PLEC: variants seen among roughly 807,000 people sequenced by gnomAD.
PLEC encodes the protein hemidesmosomal protein 1.
Under a neutral mutation model 392.8 loss-of-function variants are expected in PLEC, and 216 were observed. That is an observed-to-expected ratio of 0.55 (90% confidence interval 0.49 to 0.62). PLEC has a LOEUF of 0.62. Among genes scored for constraint, PLEC ranks in the 20% least tolerant of loss-of-function variants. The pLI is 0.00. For missense variants in PLEC, 6,863 were observed against 6,563.4 expected (o/e 1.05, Z -1.58); for synonymous variants, 3,621 against 2,980.6 (o/e 1.21, Z -7.00).
rs1554721865 is a variant in PLEC, at chr8:143,935,068, C to T, written c.768G>A (p.Ser256=). 6.2e-6 allele frequency: 10 copies of T among 1,612,914 alleles called. No homozygotes were observed. The highest frequency in any genetic ancestry group is 1.7e-5 in the Admixed American group (1 of 60,012). ...PDEKSIITYV[S]SLYDAMPRVP... The stretch of plus-strand genomic sequence containing the variant: ...CGCGGGGCATGGCGTCATACAGCGA[C>T]GAGACGTAGGTGATGATGGACTTCT... Residue 256 remains serine (S), a synonymous_variant, in exon 8 of 32, where the codon TCG becomes TCA. Transcript: ENST00000345136.
upstream of PLEC, among the ~76,000 whole-genome samples, chr8:143,956,652 C>T (rs1253079319): frequency 6.6e-6 from 1 of 152,232 alleles, no homozygotes; most frequent in Admixed American, 6.5e-5. Context: ...CACAGCTTTT[C>T]ATGCACCGAC....
At position 143,916,300 on chromosome 8, in the gene PLEC, G is replaced by A. The variant is rs782029814; in HGVS notation, c.13521C>T (p.Asp4507=). The A allele has an allele frequency of 5.4e-5, 86 of 1,583,104 alleles. No homozygotes were observed. In the African/African-American group the frequency reaches 8.6e-4, roughly 16 times the overall value. ...SRAGSRRGSF[D]ATGSGFSMTF... ...TCATGGAGAAGCCGGAGCCGGTGGC[G>A]TCAAAGCTGCCGCGGCGGGAGCCGG... The change falls in exon 32 of 32, where the codon GAC becomes GAT. Residue 4507 remains aspartate, a synonymous_variant. Transcript: ENST00000345136.
rs546006039 is a variant in PLEC, at chr8:143,930,075, G to A, written c.2613-13C>T. The A allele has an allele frequency of 1.2e-5, 20 of 1,608,770 alleles. No individual in the cohort carries two copies. In the African/African-American group the frequency reaches 1.7e-4, roughly 14 times the overall value. On this transcript the variant is annotated splice_polypyrimidine_tract_variant and intron_variant, in intron 21 of 31. Coordinates refer to ENST00000345136, the MANE Select transcript of PLEC (RefSeq NM_201384.3). ...CTGGGCCTCCAGCCTGGCAGGTCAGGGCTACAGTCAGCGTCACCAGCGCCC... is the reference window on the plus strand; with the variant it reads ...CTGGGCCTCCAGCCTGGCAGGTCAGAGCTACAGTCAGCGTCACCAGCGCCC...
upstream of PLEC, among the ~76,000 whole-genome samples, chr8:143,942,769 A>G (rs1234860084): frequency 6.6e-6 from 1 of 152,202 alleles, no homozygotes; most frequent in Non-Finnish European, 1.5e-5. Context: ...CTGCCCTGGG[A>G]CTGAAGCGGC....
At position 143,918,654 on chromosome 8, in the gene PLEC, G is replaced by A. The variant is rs782084177; in HGVS notation, c.11167C>T (p.Leu3723=). ...GLLSAEVARL[L]LEAQAATGFL... ...CCTGTGGCTGCCTGTGCCTCCAGCA[G>A]CAGGCGGGCCACCTCGGCACTCAGC... Residue 3723 remains leucine (L), a synonymous_variant, in exon 32 of 32, where the codon CTG becomes TTG. Coordinates refer to ENST00000345136, the MANE Select transcript of PLEC (RefSeq NM_201384.3). 6.2e-7 allele frequency: 1 copy of A among 1,612,920 alleles called. No individual in the cohort carries two copies. Among genetic ancestry groups the A allele is most frequent in the Non-Finnish European group, 8.5e-7 (1 of 1,180,004 alleles).
Position 143,922,511 on chromosome 8 carries a change from G to C in PLEC, c.7418C>G (p.Ser2473Cys), listed in dbSNP as rs1823191998. 5.0e-6 allele frequency: 8 copies of C among 1,609,512 alleles called. No individual in the cohort carries two copies. In the East Asian group the frequency reaches 1.6e-4, roughly 31 times the overall value. ...ACGTAGAGGGGGCGGTACCTCCTCAGACTTGAGCTGCAGCAGTTTGGCCTC... is the reference window on the plus strand; with the variant it reads ...ACGTAGAGGGGGCGGTACCTCCTCACACTTGAGCTGCAGCAGTTTGGCCTC... ...QQEAKLLQLK[S>C]EEMQTVQQEQ... is the part of the protein sequence containing the mutation. Residue 2473 changes from serine (S) to cysteine (C), a missense_variant, in exon 31 of 32, where the codon TCT becomes TGT. Ser to Cys is a moderately radical substitution (Grantham distance 112). Coordinates refer to ENST00000345136, the MANE Select transcript of PLEC (RefSeq NM_201384.3).
intron 1 of PLEC, among the ~76,000 whole-genome samples, chr8:143,963,432 G>A (rs1397965839): frequency 1.3e-5 from 2 of 152,210 alleles, no homozygotes; most frequent in African/African-American, 4.8e-5. Flanking sequence ...TTGCCCTGCT[G>A]GATTTCAGAC....
At chr8:143,953,946 C>A (rs1485560258), upstream of PLEC, 1 of 1,389,180 alleles carries the variant, frequency 7.2e-7, no homozygotes, top group Middle Eastern at 2.6e-4. Flanking sequence ...GCCCCGGGCG[C>A]ATGCTCCCGG....
chr8:143,973,406 T>G lies in PLEC; in HGVS notation c.67A>C (p.Lys23Gln). Residue 23 changes from lysine (K) to glutamine (Q), a missense_variant, in exon 1 of 32, where the codon AAA becomes CAA. Transcript: ENST00000356346. This position sits in a 1 kb window ranked among gnomAD's most constrained non-coding sequence, Gnocchi z 5.6. ...GCAGCGGGACGGGGGGCCGTACCTTTGTACTTCTCGCGCACCTCCTCGTAG... is the reference window on the plus strand; with the variant it reads ...GCAGCGGGACGGGGGGCCGTACCTTGGTACTTCTCGCGCACCTCCTCGTAG... 6.4e-7 allele frequency: 1 copy of G among 1,557,228 alleles called. No homozygotes were observed. Among genetic ancestry groups the G allele is most frequent in the Non-Finnish European group, 8.7e-7 (1 of 1,151,870 alleles).
rs971181911 is a variant in PLEC, at chr8:143,934,463, A to G, written c.1042-18T>C. 1.2e-6 allele frequency: 2 copies of G among 1,610,120 alleles called. No homozygotes were observed. The highest frequency in any genetic ancestry group is 1.3e-5 in the African/African-American group (1 of 74,994). ...ACCGCTCCCTGTAGACAGGGGCCACACTCAGGCCCTATAGGCAGGGGGCAG... is the reference window on the plus strand; with the variant it reads ...ACCGCTCCCTGTAGACAGGGGCCACGCTCAGGCCCTATAGGCAGGGGGCAG... On this transcript the variant is annotated intron_variant, in intron 10 of 31. Transcript: ENST00000345136.
upstream of PLEC, chr8:143,942,288 AC>A: frequency 1.4e-6 from 2 of 1,396,558 alleles, no homozygotes; most frequent in Non-Finnish European, 9.9e-7. Flanking sequence ...CCAAGGCGCC[AC>A]CCCCATCCCA....
intron 18 of PLEC, 98 bp from the exon 19 acceptor site, chr8:143,931,757 G>T (rs924565294): frequency 1.3e-6 from 2 of 1,538,770 alleles, no homozygotes; most frequent in East Asian, 4.9e-5. Context: ...ACTGAGGAAG[G>T]AGTGGCAAAG....
chr8:143,961,133 A>G (rs1554740725), intron 1 of PLEC, among the ~76,000 whole-genome samples: 1 of 152,244 alleles, frequency 6.6e-6, no homozygotes, highest in South Asian at 2.1e-4. Flanking sequence ...GAACCTAGAA[A>G]TCCAGATTTT....
chr8:143,934,776 A>G, intron 9 of PLEC, 34 bp downstream of exon 9: 2 of 1,611,844 alleles, frequency 1.2e-6, no homozygotes, highest in Non-Finnish European at 1.7e-6. Context: ...CTCTCAGGGC[A>G]GGCCCAGGAC....
At position 143,919,238 on chromosome 8, in the gene PLEC, T is replaced by C. The variant is rs1586797018; in HGVS notation, c.10583A>G (p.Glu3528Gly). Reference protein sequence around the residue: ...HENLTYRQLLERCVEDPETGL... With the variant: ...HENLTYRQLLGRCVEDPETGL... ...CGTCTCGGGGTCCTCCACGCACCGC[T>C]CCAGCAGCTGCCTGTACGTGAGGTT... Residue 3528 changes from glutamate (E) to glycine (G), a missense_variant, in exon 32 of 32, where the codon GAG (glutamate) becomes GGG (glycine). By Grantham distance (98) the Glu-to-Gly change is moderately conservative. Coordinates refer to ENST00000345136, the MANE Select transcript of PLEC (RefSeq NM_201384.3). 1.9e-6 allele frequency: 3 copies of C among 1,613,838 alleles called. No individual in the cohort carries two copies. The highest frequency in any genetic ancestry group is 2.5e-6 in the Non-Finnish European group (3 of 1,180,032).
In PLEC at chr8:143,921,182, C is replaced by T. The variant is rs782789906; in HGVS notation, c.8639G>A (p.Cys2880Tyr). The T allele has an allele frequency of 1.2e-6, 2 of 1,613,838 alleles. No individual in the cohort carries two copies. The highest frequency in any genetic ancestry group is 2.7e-5 in the African/African-American group (2 of 74,950). Residue 2880 changes from cysteine (C) to tyrosine (Y), a missense_variant, in exon 32 of 32, where the codon TGC (cysteine) becomes TAC (tyrosine). Coordinates refer to ENST00000345136, the MANE Select transcript of PLEC (RefSeq NM_201384.3). ...AGCCTTATCCGTGAGTGGCAGAAGG[C>T]ACAGGCCCGTCTCGGGGTCCTCCAC... ...RCVEDPETGLCLLPLTDKAAK... is the reference protein window; with the variant it reads ...RCVEDPETGLYLLPLTDKAAK...
At chr8:143,941,512 G>T (rs1415785969), upstream of PLEC, among the ~76,000 whole-genome samples, 1 of 152,116 alleles carries the variant, frequency 6.6e-6, no homozygotes, top group African/African-American at 2.4e-5. Flanking sequence ...CGGGTGAGGA[G>T]AAGGGCTGGG....
At position 143,921,787 on chromosome 8, in the gene PLEC, C is replaced by G; in HGVS notation, c.8034G>C (p.Thr2678=). 1 of 1,611,020 alleles carries G rather than the reference C, an allele frequency of 6.2e-7. No individual in the cohort carries two copies. Among genetic ancestry groups the G allele is most frequent in the Non-Finnish European group, 8.5e-7 (1 of 1,179,814 alleles). ...CTTCCCGCCGTGCGAGCTCGTCCAC[C>G]GTGGTGTGGCCCTGCGCCAACCGCT... ...ELQRLAQGHT[T]VDELARREDV... The change falls in exon 32 of 32, where the codon ACG becomes ACC. Residue 2678 remains threonine, a synonymous_variant. Coordinates refer to ENST00000345136, the MANE Select transcript of PLEC (RefSeq NM_201384.3).
At chr8:143,942,139 CG>C (rs1174138611), upstream of PLEC, among the ~76,000 whole-genome samples, 1 of 152,054 alleles carries the variant, frequency 6.6e-6, no homozygotes, top group Non-Finnish European at 1.5e-5. Flanking sequence ...GTGGAACAGC[CG>C]GGGGTGGGCC....
Sources: gnomAD v4.1 joint callset for allele counts (sites outside exome capture counted in the v4.1 genomes callset) on GRCh38, gnomAD v4.1.1 for gene constraint, Gnocchi (gnomAD v3.1) non-coding constraint, MANE v1.5 for transcripts, NCBI Gene and HGNC (gene_info 2026-07-23, HGNC 2026-07-21) for gene names.